COL28A1: variants seen among roughly 807,000 people sequenced by gnomAD.
The protein encoded by COL28A1 is collagen type XXVIII alpha 1 chain, also known as collagen alpha-1(XXVIII) chain.
In COL28A1, 161 loss-of-function variants were observed where a neutral mutation model predicts 150.2. The ratio of observed to expected loss-of-function variants is 1.07; its 90% CI spans 0.94 to 1.22. The LOEUF (loss-of-function observed/expected upper bound fraction) is 1.22. Ranked by LOEUF, COL28A1 falls within the 50% of genes most tolerant of loss-of-function variation. The probability of loss-of-function intolerance (pLI) is 0.00; values close to 1 mark genes in which losing one functional copy is unlikely to be tolerated. For missense variants in COL28A1, 1,617 were observed against 1,388.3 expected, an observed-to-expected ratio of 1.16 and a Z score of -2.62; for synonymous variants, 552 against 469.7, an observed-to-expected ratio of 1.18 and a Z score of -2.26.
chr7:7,500,739 C>T (rs1320558847), intron 11 of COL28A1, among the ~76,000 whole-genome samples: 1 of 151,612 alleles, frequency 6.6e-6, no homozygotes, highest in African/African-American at 2.4e-5. Flanking sequence ...AGGGTCTGTA[C>T]ATCTAGCTCT....
chr7:7,466,064 G>C (rs1293931974), intron 15 of COL28A1, among the ~76,000 whole-genome samples: 1 of 133,466 alleles, frequency 7.5e-6, no homozygotes. Context: ...TCCTCCAAAG[G>C]AACGCAGTTC....
At chr7:7,501,214 T>G (rs1780504233) in intron 11 of COL28A1, among the ~76,000 whole-genome samples, 1 of 152,226 alleles carries the variant, frequency 6.6e-6, no homozygotes, top group Admixed American at 6.5e-5. Context: ...GCAGGAATAT[T>G]ATGAACGTCC....
intron 13 of COL28A1, among the ~76,000 whole-genome samples, chr7:7,477,454 G>A (rs1256812705): frequency 6.6e-6 from 1 of 152,212 alleles, no homozygotes; most frequent in Non-Finnish European, 1.5e-5. Context: ...GATGTGCATA[G>A]GTTATACGCA....
At chr7:7,398,820 C>T (rs906399202) in intron 27 of COL28A1, among the ~76,000 whole-genome samples, 3 of 152,196 alleles carry the variant, frequency 2.0e-5, no homozygotes, top group Non-Finnish European at 4.4e-5. Context: ...TGCTGGCCAT[C>T]TGCACGATGC....
At position 7,380,876 on chromosome 7, in the gene COL28A1, G is replaced by T. The variant is rs375386515; in HGVS notation, c.2206-14C>A. ...TCCGTGCTCTCCCTTTACACAATAG[G>T]GTAAAATGATAGGTTCAGAATGTGA... On this transcript the variant is annotated splice_polypyrimidine_tract_variant and intron_variant, in intron 28 of 34. Transcript: ENST00000399429. 58 of 1,602,762 alleles carry T rather than the reference G, an allele frequency of 3.6e-5. No homozygotes were observed. The highest frequency in any genetic ancestry group is 4.4e-5 in the Non-Finnish European group (52 of 1,170,496).
At chr7:7,470,877 C>T (rs1454748710) in intron 15 of COL28A1, among the ~76,000 whole-genome samples, 11 of 127,324 alleles carry the variant, frequency 8.6e-5, no homozygotes, top group South Asian at 2.6e-4. Context: ...AACCAAACAC[C>T]GCATATTCTC....
At chr7:7,493,032 T>C (rs928562252) in intron 11 of COL28A1, among the ~76,000 whole-genome samples, 12 of 146,588 alleles carry the variant, frequency 8.2e-5, no homozygotes, top group Non-Finnish European at 1.8e-4. Flanking sequence ...TATAATGTTA[T>C]ATAATATATA....
At chr7:7,443,175 G>T (rs1785946105) in intron 20 of COL28A1, among the ~76,000 whole-genome samples, 2 of 152,070 alleles carry the variant, frequency 1.3e-5, no homozygotes, top group African/African-American at 4.8e-5. Context: ...TTCTACAGTG[G>T]TTAAAATAGA....
At chr7:7,438,644 T>G (rs1785524321) in intron 21 of COL28A1, among the ~76,000 whole-genome samples, 1 of 151,760 alleles carries the variant, frequency 6.6e-6, no homozygotes, top group Non-Finnish European at 1.5e-5. Context: ...TATATTTTTA[T>G]CTCATCAATT....
At chr7:7,522,177 G>T in intron 4 of COL28A1, 1 of 580,770 alleles carries the variant, frequency 1.7e-6, no homozygotes, top group Non-Finnish European at 3.1e-6. Context: ...AATTATTCCA[G>T]GCAAATTTAT....
At chr7:7,361,754 C>T (rs9691990) in intron 33 of COL28A1, among the ~76,000 whole-genome samples, 118,303 of 151,642 alleles carry the variant, frequency 0.78, 46,324 homozygotes, top group East Asian at 0.87. Context: ...TGCAGCACTA[C>T]TCACAATAGC....
At chr7:7,483,161 G>A (rs1779441121) in intron 13 of COL28A1, among the ~76,000 whole-genome samples, 1 of 152,096 alleles carries the variant, frequency 6.6e-6, no homozygotes, top group South Asian at 2.1e-4. Flanking sequence ...CTTACAATGG[G>A]CTTATGGTTT....
chr7:7,487,508 G>T (rs1779692594), intron 13 of COL28A1, among the ~76,000 whole-genome samples: 1 of 152,132 alleles, frequency 6.6e-6, no homozygotes, highest in Non-Finnish European at 1.5e-5. Context: ...AACCTGGGAG[G>T]CAGAGGCTGC....
intron 33 of COL28A1, among the ~76,000 whole-genome samples, chr7:7,367,711 G>C (rs1281962020): frequency 6.6e-6 from 1 of 151,736 alleles, no homozygotes; most frequent in Non-Finnish European, 1.5e-5. Context: ...ATGTGATACA[G>C]AGGGATCTGT....
Position 7,373,748 on chromosome 7 carries a change from G to A in COL28A1, c.2360-202C>T, listed in dbSNP as rs941334608. 6.6e-6 allele frequency among the ~76,000 whole-genome samples: 1 copy of A among 151,296 alleles called. No homozygotes were observed. The highest frequency in any genetic ancestry group is 1.5e-5 in the Non-Finnish European group (1 of 67,882). ...CAGAGTCTCGCTGTCGCCCAGGTTG[G>A]AGTGCAGTGGCGCGATCTCGGCTCA... On this transcript the variant is annotated intron_variant, in intron 31 of 34. Transcript: ENST00000399429. This position sits in a 1 kb window ranked among gnomAD's most constrained non-coding sequence, Gnocchi z 4.1.
chr7:7,438,088 A>C (rs1785476947), intron 21 of COL28A1, among the ~76,000 whole-genome samples: 1 of 151,998 alleles, frequency 6.6e-6, no homozygotes, highest in South Asian at 2.1e-4. Context: ...TACAAAAAAA[A>C]AAAAATAGCC....
rs140411639 is a variant in COL28A1 at position 7,461,486 on chromosome 7, G to C, written c.1303-5374C>G. On this transcript the variant is annotated intron_variant, in intron 15 of 34. Coordinates refer to ENST00000399429, the MANE Select transcript of COL28A1 (RefSeq NM_001037763.3). Reference sequence around the variant, plus strand: ...TTCCTAGCTGGGAGGTGGGAAGCCTGGGGCAACCTCTCAGCCCTACTCACC... The same window carrying C: ...TTCCTAGCTGGGAGGTGGGAAGCCTCGGGCAACCTCTCAGCCCTACTCACC... 7.4e-4 allele frequency among the ~76,000 whole-genome samples: 113 copies of C among 152,276 alleles called. 1 individual carries two copies. Among genetic ancestry groups the C allele is most frequent in the African/African-American group, 2.5e-3 (104 of 41,550 alleles).
the COL28A1 span, among the ~76,000 whole-genome samples, chr7:7,345,284 A>T: frequency 0.019 from 2,691 of 138,908 alleles, 54 homozygotes; most frequent in Admixed American, 0.056. Flanking sequence ...CAGAAACTTT[A>T]AAAAAAAAGC....
intron 14 of COL28A1, among the ~76,000 whole-genome samples, chr7:7,475,195 T>A (rs1049024679): frequency 3.3e-5 from 5 of 152,316 alleles, no homozygotes; most frequent in Middle Eastern, 3.4e-3. Context: ...TACAGTTACA[T>A]GACGTAAGTG....
Sources: allele counts gnomAD v4.1 joint callset (sites outside exome capture counted in the v4.1 genomes callset), GRCh38; gene constraint gnomAD v4.1.1; non-coding constraint Gnocchi (gnomAD v3.1); transcripts MANE v1.5; gene names NCBI Gene and HGNC (gene_info 2026-07-23, HGNC 2026-07-21).